ADAM32: variants seen among roughly 807,000 people sequenced by gnomAD.
The protein encoded by ADAM32 is disintegrin and metalloproteinase domain-containing protein 32.
ADAM32 carries 89 observed loss-of-function variants against 114.9 expected under a neutral mutation model. The observed-to-expected ratio is 0.77, with a 90% CI of 0.65 to 0.92. The LOEUF (loss-of-function observed/expected upper bound fraction) is 0.92, where lower values mean the gene tolerates loss of function less well. Among genes scored for constraint, ADAM32 ranks in the 40% least tolerant of loss-of-function variants. The pLI, the probability that ADAM32 is intolerant of heterozygous loss-of-function variation, is 0.00. For missense variants in ADAM32, 870 were observed against 932.8 expected, an observed-to-expected ratio of 0.93 and a Z score of 0.88; for synonymous variants, 285 against 307.5, an observed-to-expected ratio of 0.93 and a Z score of 0.77.
At chr8:39,156,434 T>G (rs1341991176) in intron 6 of ADAM32, among the ~76,000 whole-genome samples, 7 of 152,248 alleles carry the variant, frequency 4.6e-5, no homozygotes, top group African/African-American at 1.7e-4. Context: ...TGTAAGCCAC[T>G]GCACCCAGCT....
chr8:39,186,074 C>A (rs1172622858), intron 10 of ADAM32, among the ~76,000 whole-genome samples: 1 of 152,146 alleles, frequency 6.6e-6, no homozygotes, highest in Non-Finnish European at 1.5e-5. Flanking sequence ...TGAGTTACTT[C>A]ATTGCTGCTG....
At chr8:39,165,309 G>C in intron 9 of ADAM32, 113 bp downstream of exon 9, 1 of 861,266 alleles carries the variant, frequency 1.2e-6, no homozygotes, top group Non-Finnish European at 1.6e-6. Flanking sequence ...TGATTATTTA[G>C]TATGTGCTTT....
intron 11 of ADAM32, among the ~76,000 whole-genome samples, chr8:39,196,608 T>C (rs566062491): frequency 4.5e-4 from 68 of 152,312 alleles, no homozygotes; most frequent in African/African-American, 1.6e-3. Flanking sequence ...GTTTTTGTCC[T>C]TCATTCTGTT....
At chr8:39,265,074 G>C (rs1248760116) in intron 19 of ADAM32, among the ~76,000 whole-genome samples, 1 of 152,112 alleles carries the variant, frequency 6.6e-6, no homozygotes, top group East Asian at 1.9e-4. Context: ...ACACTTTCAG[G>C]GGGTGTTGAA....
At chr8:39,200,908 C>A (rs554123248) in intron 11 of ADAM32, among the ~76,000 whole-genome samples, 1 of 151,994 alleles carries the variant, frequency 6.6e-6, no homozygotes, top group Non-Finnish European at 1.5e-5. Context: ...TGTTTTTGTC[C>A]GGTTTTTCCA....
At position 39,270,911 on chromosome 8, in the gene ADAM32, G is replaced by T. The variant is rs1415804570; in HGVS notation, c.2198G>T (p.Ser733Ile). ...KSEGSTQTYA[S>I]QSSSEGSTQT... Reference sequence around the variant, plus strand: ...GAAGGTAGCACACAGACATATGCCAGCCAGTAAGTAGTTTAGAAGGTGTTT... The same window carrying T: ...GAAGGTAGCACACAGACATATGCCATCCAGTAAGTAGTTTAGAAGGTGTTT... Residue 733 changes from serine (S) to isoleucine (I), a missense_variant, in exon 20 of 25, where the codon AGC becomes ATC. Ser to Ile is a moderately radical substitution (Grantham distance 142, BLOSUM62 -2). Transcript: ENST00000379907. 6.2e-7 allele frequency: 1 copy of T among 1,608,974 alleles called. No individual in the cohort carries two copies. Among genetic ancestry groups the T allele is most frequent in the South Asian group, 1.1e-5 (1 of 90,218 alleles).
At chr8:39,164,047 A>T (rs1227199183) in intron 7 of ADAM32, among the ~76,000 whole-genome samples, 1 of 152,232 alleles carries the variant, frequency 6.6e-6, no homozygotes, top group South Asian at 2.1e-4. Context: ...CAATGGTATT[A>T]CATAGGTAGC....
intron 16 of ADAM32, among the ~76,000 whole-genome samples, chr8:39,236,811 A>C (rs568812137): frequency 3.0e-4 from 46 of 152,306 alleles, no homozygotes; most frequent in African/African-American, 1.0e-3. Context: ...AATATAACTT[A>C]TCAAAACTTG....
intron 19 of ADAM32, among the ~76,000 whole-genome samples, chr8:39,269,735 C>T (rs1812589985): frequency 6.6e-6 from 1 of 152,134 alleles, no homozygotes; most frequent in Non-Finnish European, 1.5e-5. Context: ...TCTTCAGTGT[C>T]TTTGATGTTT....
rs777191149 is a variant in ADAM32, at chr8:39,275,805, ATTACTTTTTCGCTTTCT to A, written c.2241-20_2241-4del. ...TTGTGTTAAGTATTAACGTGGAAGC[ATTACTTTTTCGCTTTCT>A]TTTAGAACCAGATCAGAAAGCAGCA... On this transcript the variant is annotated splice_polypyrimidine_tract_variant and splice_region_variant and intron_variant, in intron 21 of 24. Transcript: ENST00000379907. 13 of 1,546,032 alleles carry A rather than the reference ATTACTTTTTCGCTTTCT, an allele frequency of 8.4e-6. No individual in the cohort carries two copies. Among genetic ancestry groups the A allele is most frequent in the Middle Eastern group, 3.3e-4 (2 of 5,986 alleles).
intron 13 of ADAM32, among the ~76,000 whole-genome samples, 169 bp downstream of exon 13, chr8:39,221,871 T>C (rs1235913918): frequency 1.3e-5 from 2 of 152,056 alleles, no homozygotes; most frequent in Non-Finnish European, 2.9e-5. Context: ...TTTTCTTAGG[T>C]GTTCTATATG....
chr8:39,225,740 C>T (rs911500019), intron 14 of ADAM32, among the ~76,000 whole-genome samples: 3 of 152,126 alleles, frequency 2.0e-5, no homozygotes, highest in African/African-American at 7.2e-5. Context: ...AAGCTGGAAC[C>T]ATCCAACTCT....
At chr8:39,274,234 A>C in intron 20 of ADAM32, 78 bp from the exon 21 acceptor site, 1 of 1,347,636 alleles carries the variant, frequency 7.4e-7, no homozygotes, top group Non-Finnish European at 1.1e-6. Flanking sequence ...CTAATTATAA[A>C]ATGGCCTGAT....
chr8:39,122,252 G>A (rs1359237259), intron 2 of ADAM32, among the ~76,000 whole-genome samples: 1 of 152,156 alleles, frequency 6.6e-6, no homozygotes, highest in Non-Finnish European at 1.5e-5. Context: ...AGGGAAGAAT[G>A]TTATGAATTG....
intron 22 of ADAM32, among the ~76,000 whole-genome samples, chr8:39,276,906 G>C (rs1813109952): frequency 3.3e-5 from 5 of 152,110 alleles, no homozygotes; most frequent in Admixed American, 3.3e-4. Context: ...GCTCAGCATT[G>C]TATAGCTAGC....
At chr8:39,161,057 G>A (rs1316060436) in intron 7 of ADAM32, 92 bp downstream of exon 7, 2 of 1,167,266 alleles carry the variant, frequency 1.7e-6, no homozygotes, top group African/African-American at 1.6e-5. Flanking sequence ...AGATTCCAAT[G>A]TTCTTACTCA....
chr8:39,210,833 G>A (rs1358948546), intron 11 of ADAM32, among the ~76,000 whole-genome samples: 1 of 152,044 alleles, frequency 6.6e-6, no homozygotes, highest in Admixed American at 6.6e-5. Flanking sequence ...TTGAAGTGAT[G>A]TCTGTCCAAA....
intron 12 of ADAM32, among the ~76,000 whole-genome samples, chr8:39,214,682 T>A (rs1210922466): frequency 6.6e-6 from 1 of 152,108 alleles, no homozygotes; most frequent in African/African-American, 2.4e-5. Context: ...TGCAGAAGGC[T>A]TTTAACATGA....
Position 39,284,865 on chromosome 8 carries a change from C to A in ADAM32, c.*66C>A, listed in dbSNP as rs1554632298. 2 of 1,577,278 alleles carry A rather than the reference C, an allele frequency of 1.3e-6. No homozygotes were observed. The highest frequency in any genetic ancestry group is 2.2e-5 in the South Asian group (2 of 89,416). ...CTAAGAAATGAAAATTCTGTCTTTC[C>A]TTCCGTGGTCACAGCTGAAAGAAAC... is the stretch of plus-strand genomic sequence containing the variant. On this transcript the variant is annotated 3_prime_UTR_variant, in exon 25 of 25. Coordinates refer to ENST00000379907, the MANE Select transcript of ADAM32 (RefSeq NM_145004.7).
Sources: allele counts gnomAD v4.1 joint callset (sites outside exome capture counted in the v4.1 genomes callset), GRCh38; gene constraint gnomAD v4.1.1; transcripts MANE v1.5; gene names NCBI Gene and HGNC (gene_info 2026-07-23, HGNC 2026-07-21).